Variants in STAG2 observed in about 807,000 individuals in gnomAD.
STAG2 encodes the protein STAG2 cohesin complex component.
In STAG2, 14 loss-of-function variants were observed where a neutral mutation model predicts 108.1. That is an observed-to-expected ratio of 0.13 (90% CI 0.09 to 0.20). The LOEUF is 0.20. Ranked by LOEUF, STAG2 falls within the 10% of genes least tolerant of loss-of-function variation. The pLI, the probability that STAG2 is intolerant of heterozygous loss-of-function variation, is 1.00. For missense variants in STAG2, 440 were observed against 940.9 expected (o/e 0.47, Z 6.96); for synonymous variants, 307 against 302.7 (o/e 1.01, Z -0.15).
At chrX:124,032,960 A>C (rs1020410493) in intron 5 of STAG2, among the ~76,000 whole-genome samples, 1 of 112,525 alleles carries the variant, frequency 8.9e-6, no homozygotes, top group Non-Finnish European at 1.9e-5. Flanking sequence ...GTGTCAAATG[A>C]GGCTAATAAA....
intron 1 of STAG2, among the ~76,000 whole-genome samples, chrX:123,993,945 T>G (rs974189500): frequency 8.9e-6 from 1 of 111,969 alleles, no homozygotes; most frequent in Non-Finnish European, 1.9e-5. Flanking sequence ...TTACTGCTCC[T>G]CTTTAGGAAG....
intron 28 of STAG2, 97 bp from the exon 29 acceptor site, chrX:124,083,324 G>GGC: frequency 1.5e-6 from 1 of 671,993 alleles, no homozygotes; most frequent in Non-Finnish European, 2.0e-6. Context: ...TTAAAAGCTT[G>GGC]GCAAAGGAAG....
chrX:124,015,207 C>T lies in STAG2; in HGVS notation c.-162-6160C>T, dbSNP rs748690342. Among the ~76,000 whole-genome samples, 18 of 106,399 alleles carry T rather than the reference C, an allele frequency of 1.7e-4. No homozygotes were observed. In the South Asian group the frequency reaches 7.1e-3, roughly 42 times the overall value. The allele number at this position is 106,399 out of a possible 115,157, so 92.4% of individuals were successfully genotyped here. On this transcript the variant is annotated intron_variant, in intron 1 of 34. Coordinates refer to ENST00000371145, the MANE Select transcript of STAG2 (RefSeq NM_001042750.2). ...TTCACCGTGTTAGCCAGGATGGTCT[C>T]GATCTCTTGACCTCGTGATCCTCCC...
chrX:123,985,962 C>T (rs2055155447), intron 1 of STAG2, among the ~76,000 whole-genome samples: 1 of 108,278 alleles, frequency 9.2e-6, no homozygotes, highest in African/African-American at 3.4e-5. Flanking sequence ...CCTGTGTTCT[C>T]TGGTTCTGGT....
At chrX:124,041,642 C>T (rs920857043) in intron 6 of STAG2, among the ~76,000 whole-genome samples, 4 of 110,780 alleles carry the variant, frequency 3.6e-5, no homozygotes, top group African/African-American at 1.3e-4. Flanking sequence ...CTAGTATTTA[C>T]GTTGATTACC....
intron 14 of STAG2, among the ~76,000 whole-genome samples, chrX:124,057,605 T>G (rs1464722746): frequency 8.9e-6 from 1 of 112,232 alleles, no homozygotes; most frequent in Non-Finnish European, 1.9e-5. Context: ...AGTAAGGTTT[T>G]TAAAAACAAA....
intron 15 of STAG2, among the ~76,000 whole-genome samples, chrX:124,060,739 C>T (rs921227298): frequency 9.2e-6 from 1 of 108,632 alleles, no homozygotes; most frequent in Admixed American, 1.0e-4. Flanking sequence ...GCCTGGCCAA[C>T]ATGGTGAAAC....
At chrX:124,081,677 A>G in intron 28 of STAG2, 149 bp downstream of exon 28, 1 of 465,294 alleles carries the variant, frequency 2.1e-6, no homozygotes, top group Non-Finnish European at 3.3e-6. Flanking sequence ...TCTTAATTTT[A>G]AAGAACCAGT....
At chrX:124,042,219 C>T (rs2057741307) in intron 6 of STAG2, among the ~76,000 whole-genome samples, 1 of 110,877 alleles carries the variant, frequency 9.0e-6, no homozygotes, top group Non-Finnish European at 1.9e-5. Flanking sequence ...ATACTAGATG[C>T]TATCTCACTC....
intron 30 of STAG2, among the ~76,000 whole-genome samples, chrX:124,090,359 G>C (rs2059227910): frequency 1.8e-5 from 2 of 108,135 alleles, no homozygotes; most frequent in African/African-American, 6.8e-5. Flanking sequence ...CTCTCTCCTT[G>C]CATTTACCAC....
chrX:124,031,011 T>C lies in STAG2; in HGVS notation c.174T>C (p.Asn58=), dbSNP rs769780930. 1.2e-5 allele frequency: 15 copies of C among 1,206,400 alleles called. No homozygotes were observed. Among genetic ancestry groups the C allele is most frequent in the Non-Finnish European group, 1.7e-5 (15 of 894,011 alleles). ...KGPAEKGKGG[N]GGGKPPSGPN... ...CAGCAGAAAAGGGCAAAGGTGGAAA[T>C]GGAGGAGGAAAACCTCCTTCTGGTC... Residue 58 remains asparagine (N), a synonymous_variant, in exon 5 of 35, where the codon AAT becomes AAC. Coordinates refer to ENST00000371145, the MANE Select transcript of STAG2 (RefSeq NM_001042750.2).
intron 1 of STAG2, among the ~76,000 whole-genome samples, chrX:124,019,575 A>G (rs1479300871): frequency 9.0e-6 from 1 of 111,210 alleles, no homozygotes; most frequent in Admixed American, 9.6e-5. Context: ...TTTCACTAGG[A>G]TAGGGAATTG....
chrX:124,077,526 A>C (rs1417976024), intron 26 of STAG2, among the ~76,000 whole-genome samples: 1 of 112,005 alleles, frequency 8.9e-6, no homozygotes, highest in Non-Finnish European at 1.9e-5. Context: ...TATAAGCCAA[A>C]TTAATAAAGT....
At chrX:124,060,659 A>G (rs1318585053) in intron 15 of STAG2, among the ~76,000 whole-genome samples, 1 of 110,352 alleles carries the variant, frequency 9.1e-6, no homozygotes, top group Non-Finnish European at 1.9e-5. Context: ...GCAGTGGCTC[A>G]CACCTGTAAT....
chrX:124,046,884 A>G (rs1179349175), intron 8 of STAG2, among the ~76,000 whole-genome samples: 1 of 112,280 alleles, frequency 8.9e-6, no homozygotes, highest in Non-Finnish European at 1.9e-5. Context: ...ATATAATTTG[A>G]TGTAAAGCCA....
chrX:124,067,084 G>C (rs1334120499), intron 23 of STAG2, among the ~76,000 whole-genome samples: 2 of 111,282 alleles, frequency 1.8e-5, no homozygotes, highest in African/African-American at 6.5e-5. Context: ...TCTGGAGTTA[G>C]GTGTTTGTAG....
At chrX:124,088,182 CT>C (rs751643742) in intron 30 of STAG2, among the ~76,000 whole-genome samples, 3 of 108,819 alleles carry the variant, frequency 2.8e-5, no homozygotes, top group African/African-American at 1.0e-4. Context: ...CTCTCTCTCT[CT>C]TTTTTTTTAG....
intron 1 of STAG2, among the ~76,000 whole-genome samples, chrX:123,978,044 A>G (rs1192952738): frequency 9.3e-6 from 1 of 107,453 alleles, no homozygotes; most frequent in Non-Finnish European, 1.9e-5. Flanking sequence ...GGTCTTAACC[A>G]TATTGCTTAG....
intron 25 of STAG2, among the ~76,000 whole-genome samples, chrX:124,075,072 A>G (rs969312305): frequency 8.9e-5 from 10 of 111,765 alleles, no homozygotes; most frequent in African/African-American, 3.2e-4. Context: ...ATTTGGTTTT[A>G]GTTTACTAGA....
Sources: gnomAD v4.1 joint callset for allele counts (sites outside exome capture counted in the v4.1 genomes callset) on GRCh38, gnomAD v4.1.1 for gene constraint, MANE v1.5 for transcripts, NCBI Gene and HGNC (gene_info 2026-07-23, HGNC 2026-07-21) for gene names.